Variants in RAD51B observed in about 807,000 individuals in gnomAD.
RAD51B encodes the protein DNA repair protein RAD51 homolog 2.
In RAD51B, 38 loss-of-function variants were observed where a neutral mutation model predicts 42.2. That is an observed-to-expected ratio of 0.90 (90% CI 0.70 to 1.18). RAD51B has a LOEUF of 1.18. RAD51B is among the 50% of genes most tolerant of loss of function. The pLI, the probability that RAD51B is intolerant of heterozygous loss-of-function variation, is 0.00. For synonymous variants in RAD51B, 154 were observed against 145.2 expected (o/e 1.06, Z -0.43); for missense variants, 373 against 400.7 (o/e 0.93, Z 0.59).
chr14:68,632,968 CTTTTTTTTTTTTTTTTTTT>C (rs397852024), intron 10 of RAD51B, among the ~76,000 whole-genome samples: 7 of 59,414 alleles, frequency 1.2e-4, no homozygotes, highest in African/African-American at 2.2e-4. Context: ...TTTTCTTTTT[CTTTTTTTTTTTTTTTTTTT>C]TTTTTTTTTT....
chr14:68,649,985 G>C (rs1892667295), intron 10 of RAD51B, among the ~76,000 whole-genome samples: 1 of 152,134 alleles, frequency 6.6e-6, no homozygotes, highest in Non-Finnish European at 1.5e-5. Context: ...GGGCTGCAGG[G>C]CTCCTGAGAG....
intron 7 of RAD51B, among the ~76,000 whole-genome samples, chr14:68,136,405 CCA>C (rs1341422125): frequency 0.013 from 306 of 23,034 alleles, 59 homozygotes; most frequent in East Asian, 0.043. Context: ...TGGTGAAACC[CCA>C]TCTCTACTAA....
chr14:68,530,897 T>G (rs56054401), intron 10 of RAD51B, among the ~76,000 whole-genome samples: 9,968 of 152,136 alleles, frequency 0.066, 359 homozygotes, highest in African/African-American at 0.09. Flanking sequence ...AAATAAAAGT[T>G]AAATAAAAAA....
intron 7 of RAD51B, among the ~76,000 whole-genome samples, chr14:68,275,794 CCACACACACACACACACACACACACACA>C (rs10641411): frequency 5.0e-5 from 7 of 141,268 alleles, no homozygotes; most frequent in Non-Finnish European, 1.1e-4. Flanking sequence ...AACTAGCTCT[CCACACACACACACACACACACACACACA>C]CACACACACA....
intron 8 of RAD51B, among the ~76,000 whole-genome samples, chr14:68,373,158 T>C (rs2083294983): frequency 6.6e-6 from 1 of 152,222 alleles, no homozygotes; most frequent in Non-Finnish European, 1.5e-5. Context: ...CTATCTTCTT[T>C]GAGAGTGGCT....
At chr14:67,868,902 A>G (rs558125678) in intron 5 of RAD51B, among the ~76,000 whole-genome samples, 1 of 152,276 alleles carries the variant, frequency 6.6e-6, no homozygotes, top group Non-Finnish European at 1.5e-5. Context: ...AAACTAACAA[A>G]CAGAAAGGAC....
intron 10 of RAD51B, among the ~76,000 whole-genome samples, chr14:68,532,905 G>A (rs1021717344): frequency 9.9e-5 from 15 of 152,068 alleles, no homozygotes; most frequent in Non-Finnish European, 1.6e-4. Context: ...TAAACTCTTA[G>A]CAAAGTAAGA....
At chr14:68,038,304 A>T (rs773544260) in intron 7 of RAD51B, among the ~76,000 whole-genome samples, 1 of 152,232 alleles carries the variant, frequency 6.6e-6, no homozygotes, top group Non-Finnish European at 1.5e-5. Flanking sequence ...TTAGGATTCA[A>T]TTATAAGCAG....
At chr14:68,594,509 A>C (rs1206390998) in exon 11 of RAD51B, 25 of 1,365,218 alleles carry the variant, frequency 1.8e-5, no homozygotes, top group Non-Finnish European at 2.4e-5. Flanking sequence ...TCTGTCACCC[A>C]AGCTGAACTG....
chr14:68,076,815 T>C lies in RAD51B; in HGVS notation c.756+189611T>C, dbSNP rs1743197503. ...TATTTATTACCCAAAAGTGTAATTT[T>C]CATTTAAGAATATAAGAAATGATAC... is the stretch of plus-strand genomic sequence containing the variant. On this transcript the variant is annotated intron_variant, in intron 7 of 10. Transcript: ENST00000471583. 2.6e-5 allele frequency among the ~76,000 whole-genome samples: 4 copies of C among 152,338 alleles called. No homozygotes were observed. In the South Asian group the frequency reaches 6.2e-4, roughly 24 times the overall value.
At chr14:68,442,604 C>G (rs983358971) in intron 9 of RAD51B, among the ~76,000 whole-genome samples, 1 of 151,636 alleles carries the variant, frequency 6.6e-6, no homozygotes, top group Non-Finnish European at 1.5e-5. Context: ...CCATGCCCAG[C>G]TAATTTTTGT....
intron 11 of RAD51B, among the ~76,000 whole-genome samples, chr14:68,656,156 G>A (rs1892811086): frequency 6.6e-6 from 1 of 152,148 alleles, no homozygotes; most frequent in South Asian, 2.1e-4. Context: ...CTCGGGCTGG[G>A]CAAAACCAGA....
intron 7 of RAD51B, among the ~76,000 whole-genome samples, chr14:67,968,643 C>T (rs2074834740): frequency 6.6e-6 from 1 of 152,202 alleles, no homozygotes; most frequent in Non-Finnish European, 1.5e-5. Flanking sequence ...CCCTCATCTC[C>T]ATTTGAGACC....
chr14:67,882,759 T>G (rs959086436), intron 5 of RAD51B, among the ~76,000 whole-genome samples: 2 of 152,204 alleles, frequency 1.3e-5, no homozygotes, highest in African/African-American at 4.8e-5. Context: ...TTTCTTTTTT[T>G]TTTTGAGACG....
intron 7 of RAD51B, among the ~76,000 whole-genome samples, chr14:68,277,508 G>A (rs942818348): frequency 1.3e-5 from 2 of 152,142 alleles, no homozygotes; most frequent in Non-Finnish European, 2.9e-5. Context: ...TTTATATGCT[G>A]TAAACTTTAG....
chr14:68,305,697 A>G (rs2081846408), intron 8 of RAD51B, among the ~76,000 whole-genome samples: 1 of 152,180 alleles, frequency 6.6e-6, no homozygotes, highest in African/African-American at 2.4e-5. Context: ...CAGAACTAAG[A>G]TGGGCCCCTT....
chr14:68,509,712 G>C (rs958445301), intron 10 of RAD51B, among the ~76,000 whole-genome samples: 1 of 152,240 alleles, frequency 6.6e-6, no homozygotes, highest in Non-Finnish European at 1.5e-5. Flanking sequence ...AATGTTTACT[G>C]TAAAGGGGCA....
chr14:68,497,598 A>G, intron 10 of RAD51B: 1 of 881,340 alleles, frequency 1.1e-6, no homozygotes, highest in Non-Finnish European at 1.4e-6. Flanking sequence ...ACTAGATATC[A>G]TGATGTGCAA....
chr14:68,055,833 G>C (rs190485787), intron 7 of RAD51B, among the ~76,000 whole-genome samples: 65 of 152,266 alleles, frequency 4.3e-4, no homozygotes, highest in African/African-American at 1.5e-3. Context: ...AAGAGACCTA[G>C]TGTTAGAAGT....
Sources: gnomAD v4.1 joint callset for allele counts (sites outside exome capture counted in the v4.1 genomes callset) on GRCh38, gnomAD v4.1.1 for gene constraint, MANE v1.5 for transcripts, NCBI Gene and HGNC (gene_info 2026-07-23, HGNC 2026-07-21) for gene names.